The following ADGRL4 variants were observed in gnomAD, a reference collection of about 807,000 sequenced individuals.
ADGRL4 encodes the protein adhesion G protein-coupled receptor L4.
ADGRL4 carries 90 observed loss-of-function variants against 74.8 expected under a neutral mutation model. That is an observed-to-expected ratio of 1.20 (90% CI 1.02 to 1.43). The LOEUF (loss-of-function observed/expected upper bound fraction) is 1.43. Ranked by LOEUF, ADGRL4 falls within the 40% of genes most tolerant of loss-of-function variation. The pLI, the probability that ADGRL4 is intolerant of heterozygous loss-of-function variation, is 0.00. For synonymous variants in ADGRL4, 311 were observed against 279.2 expected, an observed-to-expected ratio of 1.11 and a Z score of -1.14; for missense variants, 881 against 814.3, an observed-to-expected ratio of 1.08 and a Z score of -1.00.
At chr1:78,999,534 C>T (rs1458733206) in intron 2 of ADGRL4, among the ~76,000 whole-genome samples, 1 of 152,110 alleles carries the variant, frequency 6.6e-6, no homozygotes, top group Admixed American at 6.6e-5. Context: ...GATCGCACCA[C>T]TGCACTCTAG....
chr1:79,002,835 T>TA (rs530054054), intron 2 of ADGRL4, among the ~76,000 whole-genome samples: 1 of 152,202 alleles, frequency 6.6e-6, no homozygotes, highest in Admixed American at 6.5e-5. Flanking sequence ...CTGTTGAAAT[T>TA]AAAAAATGAT....
At position 78,891,029 on chromosome 1, in the gene ADGRL4, T is replaced by G; in HGVS notation, c.*125A>C. The G allele has an allele frequency of 1.0e-6, 1 of 967,238 alleles. No individual in the cohort carries two copies. The highest frequency in any genetic ancestry group is 1.6e-6 in the Non-Finnish European group (1 of 608,530). 59.9% of individuals were successfully genotyped at this position (967,238 alleles called of 1,614,324 possible). A position where few individuals can be genotyped will look rare whatever the true frequency, so the allele number is the denominator to read the frequency against. ...CCTATAGCATAAACAGAAAAACTGA[T>G]TTAAAATACTTTTTGTCTAGTAGTT... On this transcript the variant is annotated 3_prime_UTR_variant, in exon 15 of 15. Coordinates refer to ENST00000370742, the MANE Select transcript of ADGRL4 (RefSeq NM_022159.4).
intron 12 of ADGRL4, among the ~76,000 whole-genome samples, chr1:78,895,489 GA>G (rs1648377013): frequency 6.6e-6 from 1 of 152,030 alleles, no homozygotes; most frequent in African/African-American, 2.4e-5. Flanking sequence ...GAATTGTTAG[GA>G]GAGACAAAAT....
intron 2 of ADGRL4, among the ~76,000 whole-genome samples, chr1:78,959,870 T>C (rs780052372): frequency 1.3e-5 from 2 of 152,196 alleles, no homozygotes; most frequent in Non-Finnish European, 2.9e-5. Flanking sequence ...TTGATAGATA[T>C]TAAGTCTAAG....
intron 7 of ADGRL4, among the ~76,000 whole-genome samples, chr1:78,928,708 T>A (rs1229542260): frequency 6.6e-6 from 1 of 151,558 alleles, no homozygotes; most frequent in Non-Finnish European, 1.5e-5. Flanking sequence ...GAGACTTTAC[T>A]TTAGAATTAA....
At chr1:78,947,526 T>A (rs1345682695) in intron 2 of ADGRL4, among the ~76,000 whole-genome samples, 1 of 152,150 alleles carries the variant, frequency 6.6e-6, no homozygotes, top group Non-Finnish European at 1.5e-5. Flanking sequence ...GACACCTTGA[T>A]TTTAGACTTT....
intron 12 of ADGRL4, among the ~76,000 whole-genome samples, chr1:78,907,997 G>A (rs1489492765): frequency 2.0e-5 from 3 of 151,960 alleles, no homozygotes; most frequent in Non-Finnish European, 4.4e-5. Flanking sequence ...ACTGCACAAT[G>A]TTTCCGTATG....
intron 3 of ADGRL4, among the ~76,000 whole-genome samples, chr1:78,946,024 CTT>C (rs994747753): frequency 1.3e-5 from 2 of 152,030 alleles, no homozygotes; most frequent in African/African-American, 2.4e-5. Context: ...ATTTCTCTCA[CTT>C]TCTTTTATTT....
intron 2 of ADGRL4, among the ~76,000 whole-genome samples, chr1:78,978,987 T>C (rs1316040552): frequency 6.6e-6 from 1 of 151,994 alleles, no homozygotes; most frequent in Non-Finnish European, 1.5e-5. Context: ...AGCAATTTTT[T>C]GAATGAATTA....
At position 78,921,716 on chromosome 1, in the gene ADGRL4, G is replaced by T. The variant is rs942344873; in HGVS notation, c.1154C>A (p.Ser385Tyr). 3.7e-6 allele frequency: 6 copies of T among 1,604,076 alleles called. No individual in the cohort carries two copies. Among genetic ancestry groups the T allele is most frequent in the Non-Finnish European group, 5.1e-6 (6 of 1,174,848 alleles). Reference sequence around the variant, plus strand: ...GTATGTCAGCTCACAGCCCTCTGAAGACCAGCTGCCATTCATGGTATCAGG... The same window carrying T: ...GTATGTCAGCTCACAGCCCTCTGAATACCAGCTGCCATTCATGGTATCAGG... ...YSPDTMNGSW[S>Y]SEGCELTYSN... The change falls in exon 9 of 15, where the codon TCT (serine) becomes TAT (tyrosine). Residue 385 changes from serine to tyrosine, a missense_variant. Ser to Tyr is a moderately radical substitution (Grantham distance 144). Transcript: ENST00000370742.
chr1:78,892,957 A>G, intron 13 of ADGRL4, 141 bp downstream of exon 13: 3 of 591,530 alleles, frequency 5.1e-6, no homozygotes, highest in Non-Finnish European at 8.5e-6. Flanking sequence ...ACTAAATGCT[A>G]TTTTCCGATG....
intron 2 of ADGRL4, among the ~76,000 whole-genome samples, chr1:78,997,858 C>T (rs193163970): frequency 5.3e-5 from 8 of 152,194 alleles, no homozygotes; most frequent in Admixed American, 2.6e-4. Flanking sequence ...TTTCTGTAAA[C>T]GCAGGTGGGT....
At chr1:78,924,092 G>A (rs1158056144) in intron 8 of ADGRL4, among the ~76,000 whole-genome samples, 1 of 151,920 alleles carries the variant, frequency 6.6e-6, no homozygotes, top group Non-Finnish European at 1.5e-5. Flanking sequence ...GAAAGAGACT[G>A]ATTGCATTCA....
chr1:78,919,415 T>C (rs1230054535), intron 10 of ADGRL4, among the ~76,000 whole-genome samples: 1 of 151,956 alleles, frequency 6.6e-6, no homozygotes. Context: ...AAAGGATTCC[T>C]GCTCCTGAGA....
intron 7 of ADGRL4, among the ~76,000 whole-genome samples, chr1:78,932,947 A>G (rs1351160823): frequency 6.6e-6 from 1 of 151,412 alleles, no homozygotes; most frequent in Non-Finnish European, 1.5e-5. Context: ...CTCCCAAACA[A>G]AAAAAGCCCA....
chr1:78,895,548 C>G (rs1027288310), intron 12 of ADGRL4, among the ~76,000 whole-genome samples: 6 of 152,046 alleles, frequency 3.9e-5, no homozygotes, highest in African/African-American at 1.4e-4. Flanking sequence ...TGTCTTGGGA[C>G]TTAGCATTTA....
chr1:78,992,549 C>T (rs1479262279), intron 2 of ADGRL4, among the ~76,000 whole-genome samples: 1 of 151,970 alleles, frequency 6.6e-6, no homozygotes, highest in African/African-American at 2.4e-5. Context: ...GTCCAACAGC[C>T]ATGAAAACTT....
At chr1:78,896,194 C>A (rs1471561579) in intron 12 of ADGRL4, among the ~76,000 whole-genome samples, 1 of 152,026 alleles carries the variant, frequency 6.6e-6, no homozygotes, top group African/African-American at 2.4e-5. Context: ...CTCCTCAAGC[C>A]TTGAGGATTT....
intron 2 of ADGRL4, among the ~76,000 whole-genome samples, chr1:79,004,755 A>C (rs1650924784): frequency 6.6e-6 from 1 of 152,164 alleles, no homozygotes; most frequent in Admixed American, 6.5e-5. Context: ...ATAGCAGTAT[A>C]CATTTCGTGA....
Sources: gnomAD v4.1 joint callset for allele counts (sites outside exome capture counted in the v4.1 genomes callset) on GRCh38, gnomAD v4.1.1 for gene constraint, MANE v1.5 for transcripts, NCBI Gene and HGNC (gene_info 2026-07-23, HGNC 2026-07-21) for gene names.